CLTC: variants seen among roughly 807,000 people sequenced by gnomAD.
CLTC encodes the protein clathrin heavy chain.
CLTC carries 16 observed loss-of-function variants against 195.8 expected under a neutral mutation model. That is an observed-to-expected ratio of 0.08 (90% CI 0.06 to 0.12). CLTC has a LOEUF of 0.12. Ranked by LOEUF, CLTC falls within the 10% of genes least tolerant of loss-of-function variation. The pLI is 1.00. For missense variants in CLTC, 796 were observed against 2,027.0 expected, an observed-to-expected ratio of 0.39 and a Z score of 11.66; for synonymous variants, 667 against 689.4, an observed-to-expected ratio of 0.97 and a Z score of 0.51.
rs778503398 is a variant in CLTC at position 59,656,042 on chromosome 17, A to G, written c.969+15A>G. ...GAAAGGGACAAGTAAGGAAACCTTG[A>G]AACTTAAGCAATAAAATAAGATAAC... On this transcript the variant is annotated intron_variant, in intron 6 of 31. Coordinates refer to ENST00000269122, the MANE Select transcript of CLTC (RefSeq NM_004859.4). 1 of 1,599,184 alleles carries G rather than the reference A, an allele frequency of 6.3e-7. No homozygotes were observed. The highest frequency in any genetic ancestry group is 2.3e-5 in the East Asian group (1 of 44,228).
At position 59,695,841 on chromosome 17, in the gene CLTC, A is replaced by G. The variant is rs989204191; in HGVS notation, c.*1989A>G. 1 of 89,780 alleles carries G rather than the reference A, an allele frequency of 1.1e-5. No individual in the cohort carries two copies. Among genetic ancestry groups the G allele is most frequent in the Non-Finnish European group, 2.3e-5 (1 of 44,142 alleles). 5.6% of individuals were successfully genotyped at this position (89,780 alleles called of 1,614,324 possible). Reference sequence around the variant, plus strand: ...TGCAAATATCAACACAGAGAAAAAAAAAATAATAATAGTATTATGAAAACA... The same window carrying G: ...TGCAAATATCAACACAGAGAAAAAAGAAATAATAATAGTATTATGAAAACA... On this transcript the variant is annotated 3_prime_UTR_variant, in exon 32 of 32. Transcript: ENST00000269122.
chr17:59,629,518 ATTTTT>A (rs5821273), intron 1 of CLTC, among the ~76,000 whole-genome samples: 4 of 126,068 alleles, frequency 3.2e-5, no homozygotes, highest in South Asian at 2.5e-4. Context: ...AGAGATCATA[ATTTTT>A]TTTTTTTTTT....
chr17:59,639,827 G>T (rs964077056), intron 1 of CLTC, among the ~76,000 whole-genome samples: 19 of 151,522 alleles, frequency 1.3e-4, no homozygotes, highest in Non-Finnish European at 2.1e-4. Flanking sequence ...AATTAGCCAG[G>T]CATGGTGGCG....
chr17:59,665,625 G>A (rs542038371), intron 10 of CLTC, among the ~76,000 whole-genome samples: 3 of 152,222 alleles, frequency 2.0e-5, no homozygotes, highest in East Asian at 3.9e-4. Context: ...GATCACCTGA[G>A]GTCAGGAGTT....
chr17:59,630,418 C>T (rs142390814), intron 1 of CLTC, among the ~76,000 whole-genome samples: 1 of 152,128 alleles, frequency 6.6e-6, no homozygotes, highest in Non-Finnish European at 1.5e-5. Context: ...TTTTCAATTG[C>T]GATAAAACTC....
intron 1 of CLTC, among the ~76,000 whole-genome samples, chr17:59,626,016 T>C (rs888663916): frequency 2.0e-5 from 3 of 152,222 alleles, no homozygotes; most frequent in Non-Finnish European, 2.9e-5. Context: ...TTTATTCAGG[T>C]ATCTCAACCA....
intron 31 of CLTC, among the ~76,000 whole-genome samples, chr17:59,693,360 C>CT (rs56119322): frequency 1.2e-3 from 159 of 136,710 alleles, no homozygotes; most frequent in African/African-American, 3.2e-3. Context: ...GAGCCAGATT[C>CT]TTTTTTTTTT....
intron 1 of CLTC, among the ~76,000 whole-genome samples, chr17:59,624,738 G>A (rs2031494598): frequency 1.3e-5 from 2 of 151,992 alleles, no homozygotes; most frequent in South Asian, 2.1e-4. Flanking sequence ...CAAAGTGCTG[G>A]GATTATAGGC....
rs141981450 is a variant in CLTC at position 59,648,554 on chromosome 17, A to C, written c.681+153A>C. On this transcript the variant is annotated intron_variant, in intron 4 of 31. Coordinates refer to ENST00000269122, the MANE Select transcript of CLTC (RefSeq NM_004859.4). The surrounding 1 kb of genome is among the most constrained non-coding windows in gnomAD (Gnocchi z 4.5). The stretch of plus-strand genomic sequence containing the variant: ...CTTAATTTGTTCAAATTTTGCATCT[A>C]GTGATACTTGTCTAAAATGAATAAT... 5 of 673,314 alleles carry C rather than the reference A, an allele frequency of 7.4e-6. No homozygotes were observed. The highest frequency in any genetic ancestry group is 1.3e-5 in the Non-Finnish European group (5 of 399,330). The allele number at this position is 673,314 out of a possible 1,614,324, so 41.7% of individuals were successfully genotyped here.
Position 59,689,367 on chromosome 17 carries a change from G to A in CLTC, c.4828-1269G>A, listed in dbSNP as rs940463586. On this transcript the variant is annotated intron_variant, in intron 30 of 31. Coordinates refer to ENST00000269122, the MANE Select transcript of CLTC (RefSeq NM_004859.4). ...TAATAGTTTCAAACAGAAATGAGGT[G>A]CTGCCTTAATCTTTTTAGGACCTGG... 3.3e-5 allele frequency: 5 copies of A among 152,212 alleles called. 1 individual carries two copies. Among genetic ancestry groups the A allele is most frequent in the Admixed American group, 2.0e-4 (3 of 15,292 alleles). The allele number at this position is 152,212 out of a possible 1,614,324, so 9.4% of individuals were successfully genotyped here.
At chr17:59,659,335 C>T (rs2032552323) in intron 6 of CLTC, among the ~76,000 whole-genome samples, 1 of 151,958 alleles carries the variant, frequency 6.6e-6, no homozygotes, top group South Asian at 2.1e-4. Context: ...TGGGGCAAGC[C>T]AGAAAATATT....
rs1340292058 is a variant in CLTC at position 59,682,170 on chromosome 17, T to C, written c.3443-101T>C. ...CACGGTTTACATTTGTCATTATCCA[T>C]GTTTCCTTGAAAAGGAAATGAATGC... On this transcript the variant is annotated intron_variant, in intron 21 of 31. Coordinates refer to ENST00000269122, the MANE Select transcript of CLTC (RefSeq NM_004859.4). The surrounding 1 kb of genome is among the most constrained non-coding windows in gnomAD (Gnocchi z 6.8). 8 of 1,096,208 alleles carry C rather than the reference T, an allele frequency of 7.3e-6. No individual in the cohort carries two copies. The highest frequency in any genetic ancestry group is 6.3e-5 in the African/African-American group (4 of 63,422). The allele number at this position is 1,096,208 out of a possible 1,614,324, so 67.9% of individuals were successfully genotyped here. A position where few individuals can be genotyped will look rare whatever the true frequency, so the allele number is the denominator to read the frequency against.
At chr17:59,663,159 C>A (rs2032649036) in intron 8 of CLTC, among the ~76,000 whole-genome samples, 1 of 152,074 alleles carries the variant, frequency 6.6e-6, no homozygotes. Flanking sequence ...GAGCTAGTCC[C>A]CAAAGTAGAA....
At chr17:59,668,750 T>C (rs923309870) in intron 13 of CLTC, 27 bp from the exon 14 acceptor site, 1 of 1,568,728 alleles carries the variant, frequency 6.4e-7, no homozygotes, top group Non-Finnish European at 8.6e-7. Context: ...GTGCCTATGC[T>C]TAATTGTAAT....
chr17:59,622,550 G>GT (rs1447081362), intron 1 of CLTC, among the ~76,000 whole-genome samples: 1 of 152,064 alleles, frequency 6.6e-6, no homozygotes, highest in Non-Finnish European at 1.5e-5. Flanking sequence ...GCTAATTTTT[G>GT]TATTTTTTGT....
At chr17:59,622,138 T>C (rs1440015426) in intron 1 of CLTC, among the ~76,000 whole-genome samples, 1 of 152,238 alleles carries the variant, frequency 6.6e-6, no homozygotes, top group Non-Finnish European at 1.5e-5. Context: ...GATCAAAGTT[T>C]CTGCAGATGC....
At chr17:59,639,459 A>G (rs2031966658) in intron 1 of CLTC, among the ~76,000 whole-genome samples, 3 of 152,224 alleles carry the variant, frequency 2.0e-5, no homozygotes, top group African/African-American at 7.2e-5. Context: ...ACTTTATCAT[A>G]GGAATTTCCA....
chr17:59,639,157 A>G (rs959856691), intron 1 of CLTC, among the ~76,000 whole-genome samples: 1 of 152,188 alleles, frequency 6.6e-6, no homozygotes, highest in South Asian at 2.1e-4. Flanking sequence ...GTTTATTTGT[A>G]TACTTTTGTG....
chr17:59,649,069 C>T (rs756669098), intron 4 of CLTC, among the ~76,000 whole-genome samples: 2 of 152,180 alleles, frequency 1.3e-5, no homozygotes, highest in African/African-American at 2.4e-5. Flanking sequence ...ACATTGGAAT[C>T]GCCTGGACAG....
Sources: gnomAD v4.1 joint callset for allele counts (sites outside exome capture counted in the v4.1 genomes callset) on GRCh38, gnomAD v4.1.1 for gene constraint, Gnocchi (gnomAD v3.1) non-coding constraint, MANE v1.5 for transcripts, NCBI Gene and HGNC (gene_info 2026-07-23, HGNC 2026-07-21) for gene names.